TRMT61A: variants seen among roughly 807,000 people sequenced by gnomAD.
The protein encoded by TRMT61A is tRNA methyltransferase 61A.
In TRMT61A, 15 loss-of-function variants were observed where a neutral mutation model predicts 21.3. The observed-to-expected ratio is 0.70, with a 90% CI of 0.47 to 1.08. The LOEUF is 1.08. TRMT61A is among the 50% of genes least tolerant of loss of function. The pLI is 0.00. For missense variants in TRMT61A, 352 were observed against 426.7 expected, an observed-to-expected ratio of 0.83 and a Z score of 1.54; for synonymous variants, 183 against 185.5, an observed-to-expected ratio of 0.99 and a Z score of 0.11.
chr14:103,534,928 G>T lies in TRMT61A; in HGVS notation c.*107G>T. 1 of 1,456,930 alleles carries T rather than the reference G, an allele frequency of 6.9e-7. No individual in the cohort carries two copies. The highest frequency in any genetic ancestry group is 9.3e-7 in the Non-Finnish European group (1 of 1,075,362). 90.3% of individuals were successfully genotyped at this position (1,456,930 alleles called of 1,614,324 possible). ...GATGCCTGCCAGACACAGACGGTGG[G>T]GTGGGGCTTGGGGGCCTCCTGGGTG... On this transcript the variant is annotated 3_prime_UTR_variant, in exon 4 of 4. Transcript: ENST00000389749.
intron 3 of TRMT61A, 111 bp downstream of exon 3, chr14:103,532,959 G>A: frequency 7.2e-7 from 1 of 1,393,844 alleles, no homozygotes; most frequent in African/African-American, 1.4e-5. Context: ...CACCATGGCA[G>A]TGGCCAGGCC....
rs1189119940 is a variant in TRMT61A, at chr14:103,532,769, C to T, written c.519C>T (p.His173=). 5.1e-6 allele frequency: 8 copies of T among 1,581,002 alleles called. No individual in the cohort carries two copies. The African/African-American group carries it at 6.8e-5, about 13-fold the overall frequency. The change falls in exon 3 of 4, where the codon CAC becomes CAT. Residue 173 remains histidine (H), a synonymous_variant. Transcript: ENST00000389749. The part of the protein sequence containing the change: ...DVCRSGFGVS[H]VADAVFLDIP... ...GCCGCAGTGGCTTTGGCGTGAGCCA[C>T]GTGGCCGACGCCGTCTTCCTGGACA...
chr14:103,530,405 C>T, intron 2 of TRMT61A, 96 bp downstream of exon 2: 12 of 1,077,126 alleles, frequency 1.1e-5, no homozygotes, highest in Non-Finnish European at 1.6e-5. Flanking sequence ...ACATGTGGCT[C>T]CTCAGTTTCT....
chr14:103,530,363 G>A (rs577418932), intron 2 of TRMT61A, 54 bp downstream of exon 2: 55 of 1,486,782 alleles, frequency 3.7e-5, no homozygotes, highest in Middle Eastern at 1.8e-4. Context: ...AAAGGTGGAG[G>A]TCAGAGCCTC....
At position 103,533,020 on chromosome 14, in the gene TRMT61A, G is replaced by T. The variant is rs571898109; in HGVS notation, c.598+172G>T. Among the ~76,000 whole-genome samples the T allele has an allele frequency of 7.9e-5, 12 of 152,346 alleles. No homozygotes were observed. In the East Asian group the frequency reaches 2.3e-3, roughly 29 times the overall value. On this transcript the variant is annotated intron_variant, in intron 3 of 3. Transcript: ENST00000389749. ...GGAGTGGGTCAGGCTGGCCAGGGGA[G>T]GCAGAGCTGGGGAGGATGGTCCCTG... is the stretch of plus-strand genomic sequence containing the variant.
chr14:103,531,949 G>C lies in TRMT61A; in HGVS notation c.332-633G>C, dbSNP rs751378783. On this transcript the variant is annotated intron_variant, in intron 2 of 3. Coordinates refer to ENST00000389749, the MANE Select transcript of TRMT61A (RefSeq NM_152307.3). This position sits in a 1 kb window ranked among gnomAD's most constrained non-coding sequence, Gnocchi z 5.1. ...TGAGGGAAGCTGGGGAGGGAAGCTG[G>C]GGGCAGGTGCGCTGGGGAGGACTGG... Among the ~76,000 whole-genome samples the C allele has an allele frequency of 6.6e-6, 1 of 151,912 alleles. No homozygotes were observed. Among genetic ancestry groups the C allele is most frequent in the Non-Finnish European group, 1.5e-5 (1 of 67,954 alleles).
rs1052542659 is a variant in TRMT61A at position 103,535,794 on chromosome 14, G to A, written c.*973G>A. ...GGGCATTTCCCAAAGTGGGGACAGA[G>A]GGCAGGACGCCCAGGCTGGGGGCTC... On this transcript the variant is annotated 3_prime_UTR_variant, in exon 4 of 4. Coordinates refer to ENST00000389749, the MANE Select transcript of TRMT61A (RefSeq NM_152307.3). The A allele has an allele frequency of 6.4e-6, 1 of 156,310 alleles. No individual in the cohort carries two copies. The highest frequency in any genetic ancestry group is 2.4e-5 in the African/African-American group (1 of 41,490). 9.7% of individuals were successfully genotyped at this position (156,310 alleles called of 1,614,324 possible). A position where few individuals can be genotyped will look rare whatever the true frequency, so the allele number is the denominator to read the frequency against.
In TRMT61A at chr14:103,535,191, C is replaced by G. The variant is rs749600001; in HGVS notation, c.*370C>G. The G allele has an allele frequency of 2.0e-5, 10 of 511,650 alleles. No individual in the cohort carries two copies. The highest frequency in any genetic ancestry group is 3.4e-5 in the Non-Finnish European group (9 of 263,242). 31.7% of individuals were successfully genotyped at this position (511,650 alleles called of 1,614,324 possible). ...GTGGAGGAGGGAGGGGGGCATTGACCCTGAGACCACGCTGCGTCTGACCCC... is the reference window on the plus strand; with the variant it reads ...GTGGAGGAGGGAGGGGGGCATTGACGCTGAGACCACGCTGCGTCTGACCCC... On this transcript the variant is annotated 3_prime_UTR_variant, in exon 4 of 4. Coordinates refer to ENST00000389749, the MANE Select transcript of TRMT61A (RefSeq NM_152307.3).
rs2075944969 is a variant in TRMT61A at position 103,529,246 on chromosome 14, A to T, written c.-45A>T. 3.1e-6 allele frequency: 1 copy of T among 326,166 alleles called. No homozygotes were observed. The highest frequency in any genetic ancestry group is 6.2e-6 in the Non-Finnish European group (1 of 160,820). 20.2% of individuals were successfully genotyped at this position (326,166 alleles called of 1,614,324 possible). A position where few individuals can be genotyped will look rare whatever the true frequency, so the allele number is the denominator to read the frequency against. ...GCGGAGGCACGTGTGGAGCCCCGGCAGCAGGAGCGTCGCAGGTGAGACTCC... is the reference window on the plus strand; with the variant it reads ...GCGGAGGCACGTGTGGAGCCCCGGCTGCAGGAGCGTCGCAGGTGAGACTCC... On this transcript the variant is annotated 5_prime_UTR_variant, in exon 1 of 4. Transcript: ENST00000389749.
rs2075958913 is a variant in TRMT61A, at chr14:103,532,731, A to C, written c.481A>C (p.Thr161Pro). 1.2e-6 allele frequency: 2 copies of C among 1,608,874 alleles called. No homozygotes were observed. Among genetic ancestry groups the C allele is most frequent in the Non-Finnish European group, 1.7e-6 (2 of 1,178,112 alleles). The change falls in exon 3 of 4, where the codon ACC (threonine) becomes CCC (proline). Residue 161 changes from threonine to proline, a missense_variant. By Grantham distance (38) the Thr-to-Pro change is conservative. Coordinates refer to ENST00000389749, the MANE Select transcript of TRMT61A (RefSeq NM_152307.3). ...HRVGRWVTVR[T>P]QDVCRSGFGV... ...TGTGGGCCGCTGGGTGACTGTGCGC[A>C]CCCAGGACGTGTGCCGCAGTGGCTT...
At position 103,532,622 on chromosome 14, in the gene TRMT61A, C is replaced by G; in HGVS notation, c.372C>G (p.Thr124=). 6.2e-7 allele frequency: 1 copy of G among 1,613,450 alleles called. No homozygotes were observed. The change falls in exon 3 of 4, where the codon ACC becomes ACG. Residue 124 remains threonine (T), a synonymous_variant. Transcript: ENST00000389749. The part of the protein sequence containing the change: ...SGSVSHAIIR[T]IAPTGHLHTV... ...CTGTGTCCCACGCCATCATCCGCAC[C>G]ATTGCACCCACGGGTCACCTGCACA...
Position 103,529,958 on chromosome 14 carries a change from C to T in TRMT61A, c.-21C>T. 8 of 1,585,450 alleles carry T rather than the reference C, an allele frequency of 5.0e-6. No homozygotes were observed. The highest frequency in any genetic ancestry group is 4.3e-6 in the Non-Finnish European group (5 of 1,163,980). ...CACACACCCCTCCCCAGGTCCTTGG[C>T]CCTTGCCAGACATTAGCACCATGAG... On this transcript the variant is annotated 5_prime_UTR_variant, in exon 2 of 4. Coordinates refer to ENST00000389749, the MANE Select transcript of TRMT61A (RefSeq NM_152307.3).
rs1040109570 is a variant in TRMT61A at position 103,531,595 on chromosome 14, G to A, written c.332-987G>A. ...CCAGGCTTTGCAGAGGGGCGAGGCA[G>A]CAGGCTGGGGGCACCCAGGGGAGGG... On this transcript the variant is annotated intron_variant, in intron 2 of 3. Coordinates refer to ENST00000389749, the MANE Select transcript of TRMT61A (RefSeq NM_152307.3). The surrounding 1 kb of genome is among the most constrained non-coding windows in gnomAD (Gnocchi z 5.1). 6.6e-6 allele frequency among the ~76,000 whole-genome samples: 1 copy of A among 152,142 alleles called. No individual in the cohort carries two copies. Among genetic ancestry groups the A allele is most frequent in the Non-Finnish European group, 1.5e-5 (1 of 68,006 alleles).
chr14:103,533,501 G>A (rs1336349276), intron 3 of TRMT61A, among the ~76,000 whole-genome samples: 1 of 152,170 alleles, frequency 6.6e-6, no homozygotes, highest in South Asian at 2.1e-4. Flanking sequence ...TGACTCCTGG[G>A]TCCTGGTCTC....
Position 103,534,678 on chromosome 14 carries a change from G to T in TRMT61A, c.727G>T (p.Val243Phe). 6.2e-7 allele frequency: 1 copy of T among 1,610,242 alleles called. No individual in the cohort carries two copies. Residue 243 changes from valine (V) to phenylalanine (F), a missense_variant, in exon 4 of 4, where the codon GTC becomes TTC. Coordinates refer to ENST00000389749, the MANE Select transcript of TRMT61A (RefSeq NM_152307.3). ...GCCACAGGTCTACAACGTGCGCACT[G>T]TCAGCCTGCCACCGCCCGACCTGGG... is the stretch of plus-strand genomic sequence containing the variant. ...VLPQVYNVRT[V>F]SLPPPDLGTG...
intron 3 of TRMT61A, among the ~76,000 whole-genome samples, chr14:103,534,280 C>T (rs1002366949): frequency 5.9e-5 from 9 of 152,254 alleles, no homozygotes; most frequent in Admixed American, 5.2e-4. Context: ...ACAATGGCAG[C>T]GCGGGCTTGA....
Position 103,532,874 on chromosome 14 carries a change from A to G in TRMT61A, c.598+26A>G, listed in dbSNP as rs757567693. ...GTGCATCCGGGGTTCCGGGAGAGGT[A>G]CAGCCTGGGTGGGGGTGGGGCAAGG... is the stretch of plus-strand genomic sequence containing the variant. On this transcript the variant is annotated intron_variant, in intron 3 of 3. Transcript: ENST00000389749. 3 of 1,502,370 alleles carry G rather than the reference A, an allele frequency of 2.0e-6. No individual in the cohort carries two copies. In the South Asian group the frequency reaches 3.7e-5, roughly 19 times the overall value. 93.1% of individuals were successfully genotyped at this position (1,502,370 alleles called of 1,614,324 possible).
chr14:103,535,369 C>A lies in TRMT61A; in HGVS notation c.*548C>A, dbSNP rs978230233. ...CCCCAGCGCTAGGAGACCAGGCCAG[C>A]CCAGGAACCAGGGAGGTGACCCTGC... On this transcript the variant is annotated 3_prime_UTR_variant, in exon 4 of 4. Coordinates refer to ENST00000389749, the MANE Select transcript of TRMT61A (RefSeq NM_152307.3). 2.2e-6 allele frequency: 1 copy of A among 456,278 alleles called. No individual in the cohort carries two copies. The highest frequency in any genetic ancestry group is 4.4e-6 in the Non-Finnish European group (1 of 226,898). The allele number at this position is 456,278 out of a possible 1,614,324, so 28.3% of individuals were successfully genotyped here. A position where few individuals can be genotyped will look rare whatever the true frequency, so the allele number is the denominator to read the frequency against.
At chr14:103,532,878 C>T (rs2075959636) in intron 3 of TRMT61A, 30 bp downstream of exon 3, 2 of 1,473,798 alleles carry the variant, frequency 1.4e-6, no homozygotes, top group Non-Finnish European at 9.2e-7. Flanking sequence ...AGAGGTACAG[C>T]CTGGGTGGGG....
Sources: allele counts gnomAD v4.1 joint callset (sites outside exome capture counted in the v4.1 genomes callset), GRCh38; gene constraint gnomAD v4.1.1; non-coding constraint Gnocchi (gnomAD v3.1); transcripts MANE v1.5; gene names NCBI Gene and HGNC (gene_info 2026-07-23, HGNC 2026-07-21).